The following FLNB variants were observed in gnomAD, a reference collection of about 807,000 sequenced individuals.
The protein encoded by FLNB is filamin B.
FLNB carries 111 observed loss-of-function variants against 250.6 expected under a neutral mutation model. The ratio of observed to expected loss-of-function variants is 0.44; its 90% CI spans 0.38 to 0.52. FLNB has a LOEUF of 0.52. Among genes scored for constraint, FLNB ranks in the 20% least tolerant of loss-of-function variants. The pLI is 0.00. For synonymous variants in FLNB, 1,302 were observed against 1,372.1 expected (o/e 0.95, Z 1.13); for missense variants, 2,869 against 3,447.8 (o/e 0.83, Z 4.20).
chr3:58,038,215 G>C (rs1287573898), intron 1 of FLNB, among the ~76,000 whole-genome samples: 2 of 152,070 alleles, frequency 1.3e-5, no homozygotes, highest in Non-Finnish European at 2.9e-5. Flanking sequence ...TTTTAGTAGA[G>C]ATGGGTTTTT....
intron 4 of FLNB, among the ~76,000 whole-genome samples, chr3:58,084,783 C>G (rs1448455967): frequency 6.6e-6 from 1 of 152,154 alleles, no homozygotes; most frequent in African/African-American, 2.4e-5. Flanking sequence ...TCCTCTGCTC[C>G]TGGTAACCTT....
Position 58,019,183 on chromosome 3 carries a change from A to G in FLNB, c.292+10327A>G, listed in dbSNP as rs527788111. Among the ~76,000 whole-genome samples, 6 of 152,240 alleles carry G rather than the reference A, an allele frequency of 3.9e-5. No individual in the cohort carries two copies. The South Asian group carries it at 1.0e-3, about 26-fold the overall frequency. ...TCACAATTAGTTATAAATTAATCTA[A>G]TAATGCTGCACGCAGTACCATAATC... On this transcript the variant is annotated intron_variant, in intron 1 of 45. Transcript: ENST00000295956.
Position 58,125,655 on chromosome 3 carries a change from G to C in FLNB, c.3973G>C (p.Gly1325Arg). The change falls in exon 23 of 46, where the codon GGC becomes CGC. Residue 1325 changes from glycine to arginine, a missense_variant. Around this residue, in one of 5 missense-constraint regions of FLNB, gnomAD observed 1,348 missense variants for 1,466.7 expected, o/e 0.92. Coordinates refer to ENST00000295956, the MANE Select transcript of FLNB (RefSeq NM_001457.4). Reference protein sequence around the residue: ...NSPFKVAVTEGCQPSRVQAQG... With the variant: ...NSPFKVAVTERCQPSRVQAQG... The stretch of plus-strand genomic sequence containing the variant: ...TCCCTTCAAGGTGGCTGTCACTGAA[G>C]GCTGCCAGCCATCTAGGGTGCAAGC... 1.2e-6 allele frequency: 2 copies of C among 1,614,132 alleles called. No homozygotes were observed. The highest frequency in any genetic ancestry group is 1.7e-6 in the Non-Finnish European group (2 of 1,179,978).
chr3:58,083,924 G>A (rs1389177986), intron 4 of FLNB, among the ~76,000 whole-genome samples: 2 of 152,020 alleles, frequency 1.3e-5, no homozygotes, highest in South Asian at 2.1e-4. Flanking sequence ...GCCGGGCTTG[G>A]TGGCTCACAC....
chr3:58,025,643 C>T (rs770773450), intron 1 of FLNB, among the ~76,000 whole-genome samples: 3 of 152,170 alleles, frequency 2.0e-5, no homozygotes, highest in Non-Finnish European at 2.9e-5. Context: ...TCCTTAAATG[C>T]TCTGTCTTAC....
At chr3:58,069,010 G>A (rs1251891932) in intron 1 of FLNB, among the ~76,000 whole-genome samples, 2 of 151,824 alleles carry the variant, frequency 1.3e-5, no homozygotes, top group Non-Finnish European at 1.5e-5. Flanking sequence ...CAGGTGGGTG[G>A]CATGTGCCTG....
chr3:58,108,601 AAT>A (rs773953145), intron 13 of FLNB, 30 bp downstream of exon 13: 23 of 1,418,422 alleles, frequency 1.6e-5, no homozygotes, highest in Non-Finnish European at 3.0e-6. Context: ...CTGTGCAGGT[AAT>A]TGTCAGGTAA....
Position 58,053,617 on chromosome 3 carries a change from T to C in FLNB, c.293-23429T>C, listed in dbSNP as rs560997583. 1.4e-4 allele frequency among the ~76,000 whole-genome samples: 21 copies of C among 152,198 alleles called. No individual in the cohort carries two copies. The East Asian group carries it at 2.1e-3, about 15-fold the overall frequency. ...CTGGGACTACAGACACCCACTACCA[T>C]GCCCGGCTAATTTTTTTTTTATTTT... On this transcript the variant is annotated intron_variant, in intron 1 of 45. Coordinates refer to ENST00000295956, the MANE Select transcript of FLNB (RefSeq NM_001457.4).
At chr3:58,044,869 A>G (rs2097151355) in intron 1 of FLNB, among the ~76,000 whole-genome samples, 1 of 152,200 alleles carries the variant, frequency 6.6e-6, no homozygotes, top group Non-Finnish European at 1.5e-5. Flanking sequence ...TTCTAGGCCC[A>G]AGTCAGCATG....
chr3:58,092,834 G>A (rs839224), intron 4 of FLNB, among the ~76,000 whole-genome samples: 146,612 of 152,334 alleles, frequency 0.96, 70,592 homozygotes, highest in East Asian at 1. Context: ...ACTCCTCTCA[G>A]TATTTCGCTT....
At chr3:58,075,072 A>G (rs1049006578) in intron 1 of FLNB, among the ~76,000 whole-genome samples, 4 of 151,900 alleles carry the variant, frequency 2.6e-5, no homozygotes, top group Non-Finnish European at 5.9e-5. Flanking sequence ...TTAAAAAAAT[A>G]AGGCTCTCAC....
chr3:58,138,790 C>A (rs1470375752), intron 29 of FLNB, among the ~76,000 whole-genome samples: 1 of 152,184 alleles, frequency 6.6e-6, no homozygotes, highest in Non-Finnish European at 1.5e-5. Context: ...CTGGCCTAAG[C>A]CCAGGCATTT....
chr3:58,119,385 GCTATC>G (rs2097284500), intron 19 of FLNB, among the ~76,000 whole-genome samples: 2 of 152,206 alleles, frequency 1.3e-5, no homozygotes, highest in African/African-American at 4.8e-5. Context: ...AACTGTGCCA[GCTATC>G]CTTGGCAACT....
At chr3:58,143,005 A>C (rs576116220) in intron 31 of FLNB, among the ~76,000 whole-genome samples, 1 of 152,318 alleles carries the variant, frequency 6.6e-6, no homozygotes, top group African/African-American at 2.4e-5. Flanking sequence ...CTCTAGGTTA[A>C]AAACTGCTGT....
intron 1 of FLNB, among the ~76,000 whole-genome samples, chr3:58,058,413 A>G (rs529451780): frequency 6.6e-6 from 1 of 152,102 alleles, no homozygotes; most frequent in African/African-American, 2.4e-5. Context: ...GCATCTTCCT[A>G]CTTGTCTAAA....
At chr3:58,059,450 C>T (rs2097174899) in intron 1 of FLNB, among the ~76,000 whole-genome samples, 1 of 152,128 alleles carries the variant, frequency 6.6e-6, no homozygotes, top group South Asian at 2.1e-4. Context: ...CAGAGCTGCT[C>T]TGAGATGTAG....
At chr3:58,048,820 T>G (rs747894529) in intron 1 of FLNB, among the ~76,000 whole-genome samples, 3 of 152,250 alleles carry the variant, frequency 2.0e-5, no homozygotes, top group Non-Finnish European at 4.4e-5. Context: ...GTTAATTGTT[T>G]GTATGTGTGT....
intron 16 of FLNB, 127 bp downstream of exon 16, chr3:58,110,297 C>CT: frequency 1.0e-6 from 1 of 979,058 alleles, no homozygotes; most frequent in Non-Finnish European, 1.6e-6. Flanking sequence ...GAGTCTCACT[C>CT]TTTCACCCAA....
intron 26 of FLNB, among the ~76,000 whole-genome samples, chr3:58,133,211 A>G (rs574754287): frequency 5.1e-4 from 77 of 152,272 alleles, no homozygotes; most frequent in Non-Finnish European, 9.1e-4. Context: ...ACTTGTCACC[A>G]CACACTAGCC....
Sources: gnomAD v4.1 joint callset for allele counts (sites outside exome capture counted in the v4.1 genomes callset) on GRCh38, gnomAD v4.1.1 for gene constraint, gnomAD v4.1.1 regional missense constraint, MANE v1.5 for transcripts, NCBI Gene and HGNC (gene_info 2026-07-23, HGNC 2026-07-21) for gene names.